The following LDLRAD3 variants were observed in gnomAD, a reference collection of about 807,000 sequenced individuals.
LDLRAD3 encodes the protein low-density lipoprotein receptor class A domain-containing protein 3.
LDLRAD3 carries 20 observed loss-of-function variants against 29.4 expected under a neutral mutation model. The ratio of observed to expected loss-of-function variants is 0.68; its 90% CI spans 0.48 to 0.99. LDLRAD3 has a LOEUF of 0.99. Among genes scored for constraint, LDLRAD3 ranks in the 50% least tolerant of loss-of-function variants. The pLI, the probability that LDLRAD3 is intolerant of heterozygous loss-of-function variation, is 0.00. For missense variants in LDLRAD3, 420 were observed against 454.3 expected, an observed-to-expected ratio of 0.92 and a Z score of 0.69; for synonymous variants, 157 against 192.7, an observed-to-expected ratio of 0.81 and a Z score of 1.53.
At chr11:36,025,883 G>A (rs1324963004) in intron 1 of LDLRAD3, among the ~76,000 whole-genome samples, 1 of 148,650 alleles carries the variant, frequency 6.7e-6, no homozygotes, top group African/African-American at 2.5e-5. Flanking sequence ...AGGTTCTAGC[G>A]ATTCTCCTGC....
intron 4 of LDLRAD3, among the ~76,000 whole-genome samples, chr11:36,205,857 G>A (rs1041276118): frequency 1.3e-5 from 2 of 152,214 alleles, no homozygotes; most frequent in East Asian, 1.9e-4. Flanking sequence ...GCTCAGAAGC[G>A]ATGAGTAGAA....
At chr11:36,088,337 G>T (rs150065785) in intron 3 of LDLRAD3, among the ~76,000 whole-genome samples, 5,023 of 152,188 alleles carry the variant, frequency 0.033, 131 homozygotes, top group Non-Finnish European at 0.054. Flanking sequence ...ATTCAGTAAG[G>T]ATGAGGACTC....
At chr11:36,026,626 G>A (rs1222675729) in intron 1 of LDLRAD3, among the ~76,000 whole-genome samples, 1 of 152,190 alleles carries the variant, frequency 6.6e-6, no homozygotes, top group African/African-American at 2.4e-5. Context: ...CAGTAAAGAA[G>A]CCAGCTAAAA....
intron 4 of LDLRAD3, among the ~76,000 whole-genome samples, chr11:36,217,943 T>TA (rs1855374929): frequency 6.6e-6 from 1 of 152,214 alleles, no homozygotes; most frequent in Non-Finnish European, 1.5e-5. Flanking sequence ...TTGAAACTCT[T>TA]ACCTTAATTA....
chr11:36,117,156 C>A (rs995533167), intron 4 of LDLRAD3, among the ~76,000 whole-genome samples: 8 of 152,108 alleles, frequency 5.3e-5, no homozygotes, highest in African/African-American at 1.9e-4. Context: ...CCGCACCTGG[C>A]CTGCCTAAGT....
At chr11:36,036,949 C>T (rs1852312742) in intron 2 of LDLRAD3, among the ~76,000 whole-genome samples, 1 of 152,148 alleles carries the variant, frequency 6.6e-6, no homozygotes, top group Admixed American at 6.5e-5. Context: ...AGAAAAGAGG[C>T]ACCGGGGATG....
chr11:36,028,755 A>G (rs1852198574), intron 1 of LDLRAD3, among the ~76,000 whole-genome samples: 2 of 152,156 alleles, frequency 1.3e-5, no homozygotes, highest in Admixed American at 1.3e-4. Context: ...AAAAATTTGT[A>G]GAATATTCTT....
intron 4 of LDLRAD3, among the ~76,000 whole-genome samples, chr11:36,220,683 A>C (rs1356221513): frequency 6.6e-6 from 1 of 152,180 alleles, no homozygotes; most frequent in Non-Finnish European, 1.5e-5. Context: ...TTCCGGAAAA[A>C]AGTGAATCTA....
chr11:36,200,564 C>T (rs1309243023), intron 4 of LDLRAD3, among the ~76,000 whole-genome samples: 1 of 152,168 alleles, frequency 6.6e-6, no homozygotes, highest in East Asian at 1.9e-4. Context: ...CTGGCAAAAG[C>T]TAAAATCTGA....
chr11:36,190,787 C>A (rs1197239726), intron 4 of LDLRAD3, among the ~76,000 whole-genome samples: 1 of 152,080 alleles, frequency 6.6e-6, no homozygotes, highest in Non-Finnish European at 1.5e-5. Context: ...AATTTCAGAA[C>A]ATTGGGCAAA....
intron 4 of LDLRAD3, among the ~76,000 whole-genome samples, chr11:36,112,395 T>C (rs1053869604): frequency 6.6e-6 from 1 of 152,214 alleles, no homozygotes; most frequent in Non-Finnish European, 1.5e-5. Flanking sequence ...GCATAAGGCC[T>C]TCTATTTAAA....
intron 4 of LDLRAD3, among the ~76,000 whole-genome samples, chr11:36,198,574 C>T (rs139332568): frequency 6.6e-6 from 1 of 152,190 alleles, no homozygotes; most frequent in Non-Finnish European, 1.5e-5. Context: ...TGCTTCCCCC[C>T]CATCCCACTC....
chr11:36,170,342 G>A (rs974937771), intron 4 of LDLRAD3, among the ~76,000 whole-genome samples: 10 of 146,084 alleles, frequency 6.8e-5, no homozygotes, highest in East Asian at 4.0e-4. Flanking sequence ...ACGTATATAC[G>A]TATATATACA....
intron 2 of LDLRAD3, among the ~76,000 whole-genome samples, chr11:36,052,652 T>C (rs952578129): frequency 6.6e-6 from 1 of 152,186 alleles, no homozygotes; most frequent in Non-Finnish European, 1.5e-5. Context: ...TGTGCCTCAG[T>C]TTCCTTATCT....
At chr11:36,163,898 C>T (rs12417496) in intron 4 of LDLRAD3, among the ~76,000 whole-genome samples, 15,898 of 152,198 alleles carry the variant, frequency 0.1, 1,015 homozygotes, top group East Asian at 0.32. Context: ...ACTGAATGAG[C>T]CACCTCAATT....
At chr11:35,959,838 A>T (rs1004636395) in intron 1 of LDLRAD3, among the ~76,000 whole-genome samples, 2 of 152,190 alleles carry the variant, frequency 1.3e-5, no homozygotes, top group Non-Finnish European at 2.9e-5. Context: ...AGGCTGAGGC[A>T]TGAGAATTGC....
intron 1 of LDLRAD3, among the ~76,000 whole-genome samples, chr11:35,970,660 T>C (rs1169308022): frequency 6.6e-6 from 1 of 152,140 alleles, no homozygotes; most frequent in Admixed American, 6.5e-5. Flanking sequence ...GGCTGAGAGG[T>C]GTTAAGCATC....
intron 3 of LDLRAD3, among the ~76,000 whole-genome samples, chr11:36,087,189 A>T (rs1853208894): frequency 1.3e-5 from 2 of 152,234 alleles, no homozygotes; most frequent in East Asian, 3.8e-4. Flanking sequence ...AGTAAAAGAC[A>T]AATTAACTAA....
chr11:36,217,305 G>T (rs1855366462), intron 4 of LDLRAD3, among the ~76,000 whole-genome samples: 1 of 151,974 alleles, frequency 6.6e-6, no homozygotes, highest in South Asian at 2.1e-4. Flanking sequence ...CCAGATTGTG[G>T]TGAGCCCTGA....
Sources: allele counts gnomAD v4.1 joint callset (sites outside exome capture counted in the v4.1 genomes callset), GRCh38; gene constraint gnomAD v4.1.1; transcripts MANE v1.5; gene names NCBI Gene and HGNC (gene_info 2026-07-23, HGNC 2026-07-21).